GDI2: variants seen among roughly 807,000 people sequenced by gnomAD.
GDI2 encodes the protein rab GDP dissociation inhibitor beta.
GDI2 carries 22 observed loss-of-function variants against 54.2 expected under a neutral mutation model. That is an observed-to-expected ratio of 0.41 (90% CI 0.29 to 0.58). The LOEUF is 0.58. GDI2 is among the 20% of genes least tolerant of loss of function. The pLI is 0.35. For synonymous variants in GDI2, 177 were observed against 182.1 expected, an observed-to-expected ratio of 0.97 and a Z score of 0.23; for missense variants, 422 against 546.0, an observed-to-expected ratio of 0.77 and a Z score of 2.26.
At chr10:5,811,869 C>A in intron 1 of GDI2, 1 of 934,488 alleles carries the variant, frequency 1.1e-6, no homozygotes, top group Non-Finnish European at 1.5e-6. Flanking sequence ...TAATTCTTCA[C>A]AAACCTTTCC....
intron 1 of GDI2, among the ~76,000 whole-genome samples, chr10:5,809,426 T>A (rs1033997571): frequency 2.0e-5 from 3 of 152,150 alleles, no homozygotes; most frequent in Non-Finnish European, 2.9e-5. Context: ...ATTCCCTACA[T>A]ACATCCTTGA....
intron 1 of GDI2, among the ~76,000 whole-genome samples, chr10:5,803,807 A>C (rs956783416): frequency 4.6e-5 from 7 of 152,162 alleles, no homozygotes; most frequent in Admixed American, 6.5e-5. Flanking sequence ...GCATATAATC[A>C]CTCAAAAAGG....
In GDI2 at chr10:5,776,661, A is replaced by G; in HGVS notation, c.720-2720T>C. 6.8e-6 allele frequency: 10 copies of G among 1,472,780 alleles called. No individual in the cohort carries two copies. Among genetic ancestry groups the G allele is most frequent in the Non-Finnish European group, 9.5e-6 (10 of 1,057,588 alleles). The allele number at this position is 1,472,780 out of a possible 1,614,324, so 91.2% of individuals were successfully genotyped here. On this transcript the variant is annotated intron_variant, in intron 6 of 10. Transcript: ENST00000380191. This position sits in a 1 kb window ranked among gnomAD's most constrained non-coding sequence, Gnocchi z 5.3. ...GAAAAGGAGCTGGATGTAGATGCTGATTTTGTAGAAAAGTCAGAGTTATGG... is the reference window on the plus strand; with the variant it reads ...GAAAAGGAGCTGGATGTAGATGCTGGTTTTGTAGAAAAGTCAGAGTTATGG...
rs763190509 is a variant in GDI2, at chr10:5,796,785, A to T, written c.231T>A (p.Ile77=). ...TACCATTAGCCATAAGGAACTTGGG[A>T]ATCAAGTCAACATTCCAGTCTCTTC... ...GRGRDWNVDL[I]PKFLMANGQL... Residue 77 remains isoleucine (I), a synonymous_variant, in exon 3 of 11, where the codon ATT becomes ATA. Coordinates refer to ENST00000380191, the MANE Select transcript of GDI2 (RefSeq NM_001494.4). 4 of 1,546,340 alleles carry T rather than the reference A, an allele frequency of 2.6e-6. No individual in the cohort carries two copies. The highest frequency in any genetic ancestry group is 3.3e-5 in the Admixed American group (2 of 59,936).
At chr10:5,780,878 T>C (rs1201623480) in intron 6 of GDI2, among the ~76,000 whole-genome samples, 2 of 152,220 alleles carry the variant, frequency 1.3e-5, no homozygotes, top group South Asian at 2.1e-4. Context: ...CCAACAAGCA[T>C]GTTTTCTAGA....
chr10:5,811,272 A>G (rs1350493345), intron 1 of GDI2, among the ~76,000 whole-genome samples: 3 of 152,340 alleles, frequency 2.0e-5, no homozygotes, highest in Middle Eastern at 3.4e-3. Flanking sequence ...CAGAGATTAA[A>G]GTTATCACAG....
chr10:5,779,821 T>C (rs983890782), intron 6 of GDI2, among the ~76,000 whole-genome samples: 23 of 151,672 alleles, frequency 1.5e-4, no homozygotes, highest in African/African-American at 3.6e-4. Flanking sequence ...GCCTCCCGAA[T>C]AGCTGGGACT....
At chr10:5,779,498 G>C (rs1340521327) in intron 6 of GDI2, among the ~76,000 whole-genome samples, 1 of 133,138 alleles carries the variant, frequency 7.5e-6, no homozygotes, top group Admixed American at 7.7e-5. Context: ...ACTCCGTCTC[G>C]AAAAAAAAAA....
At chr10:5,803,154 A>G (rs1265452875) in intron 1 of GDI2, among the ~76,000 whole-genome samples, 5 of 152,236 alleles carry the variant, frequency 3.3e-5, no homozygotes, top group African/African-American at 1.2e-4. Flanking sequence ...AAATATTGAT[A>G]GTCTTCTCAC....
At chr10:5,782,636 T>C (rs1840783806) in intron 6 of GDI2, among the ~76,000 whole-genome samples, 1 of 151,918 alleles carries the variant, frequency 6.6e-6, no homozygotes, top group South Asian at 2.1e-4. Flanking sequence ...TACTCAACAA[T>C]TAAAAAAAAA....
chr10:5,768,934 A>G lies in GDI2; in HGVS notation c.820-550T>C, dbSNP rs2380203. The stretch of plus-strand genomic sequence containing the variant: ...GCAGTAATTCCTTGTATCTAAAACC[A>G]AAGACACAGGCAACAAAGGAAAGAA... On this transcript the variant is annotated intron_variant, in intron 7 of 10. Coordinates refer to ENST00000380191, the MANE Select transcript of GDI2 (RefSeq NM_001494.4). This position sits in a 1 kb window ranked among gnomAD's most constrained non-coding sequence, Gnocchi z 4.4. The G allele has an allele frequency of 0.55, 83,869 of 152,086 alleles. 23,878 individuals carry two copies. Among genetic ancestry groups the G allele is most frequent in the Middle Eastern group, 0.67 (197 of 294 alleles). The allele number at this position is 152,086 out of a possible 1,614,324, so 9.4% of individuals were successfully genotyped here.
intron 1 of GDI2, among the ~76,000 whole-genome samples, chr10:5,812,553 A>T (rs558125835): frequency 1.3e-5 from 2 of 151,954 alleles, no homozygotes; most frequent in Non-Finnish European, 2.9e-5. Flanking sequence ...GTTTTGAAAA[A>T]ACTCAATTCC....
chr10:5,809,802 C>A (rs866982050), intron 1 of GDI2, among the ~76,000 whole-genome samples: 1 of 152,172 alleles, frequency 6.6e-6, no homozygotes, highest in African/African-American at 2.4e-5. Context: ...CAGTGTATCA[C>A]GCATGTGAAC....
intron 1 of GDI2, among the ~76,000 whole-genome samples, chr10:5,804,033 T>C (rs1841322293): frequency 6.6e-6 from 1 of 152,152 alleles, no homozygotes; most frequent in Non-Finnish European, 1.5e-5. Context: ...TAGTATTTCT[T>C]AAATGTCTTA....
At position 5,776,436 on chromosome 10, in the gene GDI2, G is replaced by C. The variant is rs1840622199; in HGVS notation, c.720-2495C>G. ...TCAAGGGATCTTTGACAGGGATCCA[G>C]ACACGCTACTATTTTTACTTTAGCA... is the stretch of plus-strand genomic sequence containing the variant. On this transcript the variant is annotated intron_variant, in intron 6 of 10. Transcript: ENST00000380191. The surrounding 1 kb of genome is among the most constrained non-coding windows in gnomAD (Gnocchi z 5.3). 7 of 828,598 alleles carry C rather than the reference G, an allele frequency of 8.4e-6. No homozygotes were observed. The highest frequency in any genetic ancestry group is 3.2e-4 in the Middle Eastern group (1 of 3,082). 51.3% of individuals were successfully genotyped at this position (828,598 alleles called of 1,614,324 possible).
intron 1 of GDI2, among the ~76,000 whole-genome samples, chr10:5,807,753 C>T (rs114614512): frequency 1.3e-3 from 197 of 152,282 alleles, no homozygotes; most frequent in African/African-American, 4.5e-3. Flanking sequence ...GCGATACTGA[C>T]GTTCTCTTCC....
intron 1 of GDI2, among the ~76,000 whole-genome samples, chr10:5,805,412 C>T (rs1312011734): frequency 2.7e-5 from 4 of 148,134 alleles, no homozygotes; most frequent in Admixed American, 1.3e-4. Flanking sequence ...GACAGGGTCT[C>T]ACTCCGTTGC....
At position 5,786,797 on chromosome 10, in the gene GDI2, T is replaced by TA. The variant is rs1840890989; in HGVS notation, c.389-748dup. ...GTATGCTAAGATACAACCGGGCACT[T>TA]AATGATAACAGCTTAAGATAACAAG... On this transcript the variant is annotated intron_variant, in intron 4 of 10. Coordinates refer to ENST00000380191, the MANE Select transcript of GDI2 (RefSeq NM_001494.4). Among the ~76,000 whole-genome samples, 16 of 152,324 alleles carry TA rather than the reference T, an allele frequency of 1.1e-4. No homozygotes were observed. In the South Asian group the frequency reaches 2.9e-3, roughly 28 times the overall value.
At position 5,776,517 on chromosome 10, in the gene GDI2, A is replaced by G. The variant is rs1462247488; in HGVS notation, c.720-2576T>C. ...AAGCAAAGGCCCGAAAGATAAAACA[A>G]TTATAGAGAAGCAGATTTGAAGAGG... On this transcript the variant is annotated intron_variant, in intron 6 of 10. Coordinates refer to ENST00000380191, the MANE Select transcript of GDI2 (RefSeq NM_001494.4). The surrounding 1 kb of genome is among the most constrained non-coding windows in gnomAD (Gnocchi z 5.3). 2 of 1,436,400 alleles carry G rather than the reference A, an allele frequency of 1.4e-6. No individual in the cohort carries two copies. Among genetic ancestry groups the G allele is most frequent in the Admixed American group, 1.7e-5 (1 of 59,228 alleles). The allele number at this position is 1,436,400 out of a possible 1,614,324, so 89.0% of individuals were successfully genotyped here.
Sources: allele counts gnomAD v4.1 joint callset (sites outside exome capture counted in the v4.1 genomes callset), GRCh38; gene constraint gnomAD v4.1.1; non-coding constraint Gnocchi (gnomAD v3.1); transcripts MANE v1.5; gene names NCBI Gene and HGNC (gene_info 2026-07-23, HGNC 2026-07-21).